ZNF577: variants seen among roughly 807,000 people sequenced by gnomAD.
The protein encoded by ZNF577 is zinc finger protein 577.
Under a neutral mutation model 13.9 loss-of-function variants are expected in ZNF577, and 14 were observed. The ratio of observed to expected loss-of-function variants is 1.00; its 90% CI spans 0.66 to 1.57. ZNF577 has a LOEUF of 1.57. Ranked by LOEUF, ZNF577 falls within the 40% of genes most tolerant of loss-of-function variation. The probability of loss-of-function intolerance (pLI) is 0.00; values close to 1 mark genes in which losing one functional copy is unlikely to be tolerated. For synonymous variants in ZNF577, 203 were observed against 202.9 expected, an observed-to-expected ratio of 1.00 and a Z score of 0.00; for missense variants, 555 against 579.2, an observed-to-expected ratio of 0.96 and a Z score of 0.43.
chr19:51,834,607 A>G (rs1272411585), intron 9 of ZNF577, among the ~76,000 whole-genome samples: 2 of 152,238 alleles, frequency 1.3e-5, no homozygotes, highest in Non-Finnish European at 2.9e-5. Flanking sequence ...ATCTTAATGA[A>G]GATTAGAAAA....
In ZNF577 at chr19:51,867,295, T is replaced by C. The variant is rs76154083; in HGVS notation, c.*5237A>G. On this transcript the variant is annotated 3_prime_UTR_variant, in exon 6 of 6. Transcript: ENST00000638348. ...ACCTCACCGGGGCTTTTATCGTTTT[T>C]TTCTTCGGTTCTTAGGAAAAGGATA... Among the ~76,000 whole-genome samples, 8,618 of 152,270 alleles carry C rather than the reference T, an allele frequency of 0.057. 353 individuals carry two copies. The highest frequency in any genetic ancestry group is 0.087 in the Non-Finnish European group (5,937 of 68,010).
intron 9 of ZNF577, among the ~76,000 whole-genome samples, chr19:51,821,732 G>T (rs2084191232): frequency 6.6e-6 from 1 of 151,548 alleles, no homozygotes; most frequent in Non-Finnish European, 1.5e-5. Flanking sequence ...TGCTCATCCT[G>T]AATTTCAAAT....
intron 9 of ZNF577, among the ~76,000 whole-genome samples, chr19:51,815,061 C>T (rs1026924634): frequency 1.3e-5 from 2 of 152,126 alleles, no homozygotes; most frequent in Non-Finnish European, 2.9e-5. Flanking sequence ...CCGCCCACCT[C>T]GGCCTCCCAA....
intron 9 of ZNF577, among the ~76,000 whole-genome samples, chr19:51,816,429 G>T (rs1454530120): frequency 1.3e-5 from 2 of 152,158 alleles, no homozygotes; most frequent in Non-Finnish European, 2.9e-5. Flanking sequence ...TGTGTTTTTA[G>T]TAGAGACAAG....
At position 51,867,685 on chromosome 19, in the gene ZNF577, T is replaced by A. The variant is rs1055913346; in HGVS notation, c.*4847A>T. On this transcript the variant is annotated 3_prime_UTR_variant, in exon 6 of 6. Transcript: ENST00000638348. ...CTGTAATCCCAGCTACTCAGGAAGC[T>A]GAGGCAGGACAATCACTTGAAACCG... Among the ~76,000 whole-genome samples the A allele has an allele frequency of 2.0e-5, 3 of 151,680 alleles. No individual in the cohort carries two copies. Among genetic ancestry groups the A allele is most frequent in the Non-Finnish European group, 4.4e-5 (3 of 67,986 alleles).
At chr19:51,822,774 C>T (rs2084199978) in intron 9 of ZNF577, among the ~76,000 whole-genome samples, 1 of 152,148 alleles carries the variant, frequency 6.6e-6, no homozygotes, top group African/African-American at 2.4e-5. Flanking sequence ...TAAGTAGGGA[C>T]AATGAAAAGC....
downstream of ZNF577, among the ~76,000 whole-genome samples, chr19:51,864,824 GA>G (rs1363804880): frequency 6.6e-6 from 1 of 152,172 alleles, no homozygotes; most frequent in Non-Finnish European, 1.5e-5. Flanking sequence ...TGGGAACAAA[GA>G]AAAGAAATTA....
Position 51,824,783 on chromosome 19 carries a change from TGAG to T in ZNF577, c.*600-13112_*600-13110del. On this transcript the variant is annotated intron_variant and NMD_transcript_variant, in intron 9 of 10. Transcript: ENST00000638827. The surrounding 1 kb of genome is among the most constrained non-coding windows in gnomAD (Gnocchi z 4.7). ...CAGACACCACTTCTGCTTCACCTCCTGAGGAGACGGAGTTACAAGCAATGTGAG... is the reference window on the plus strand; with the variant it reads ...CAGACACCACTTCTGCTTCACCTCCTGAGACGGAGTTACAAGCAATGTGAG... The T allele has an allele frequency of 6.2e-7, 1 of 1,613,062 alleles. No homozygotes were observed. The highest frequency in any genetic ancestry group is 1.3e-5 in the African/African-American group (1 of 74,998).
chr19:51,827,538 T>C (rs987679487), intron 9 of ZNF577, among the ~76,000 whole-genome samples: 5 of 152,236 alleles, frequency 3.3e-5, no homozygotes, highest in Admixed American at 2.0e-4. Flanking sequence ...ATGGCATTGA[T>C]AAACAATAAT....
At chr19:51,863,273 A>G (rs536391387), downstream of ZNF577, 7 of 152,368 alleles carry the variant, frequency 4.6e-5, no homozygotes, top group Non-Finnish European at 1.0e-4. Flanking sequence ...GGTTATAATT[A>G]GCAAGCTCTG....
At chr19:51,857,370 GAAA>G (rs2084438377) in intron 5 of ZNF577, among the ~76,000 whole-genome samples, 16 of 57,810 alleles carry the variant, frequency 2.8e-4, no homozygotes, top group Non-Finnish European at 4.0e-4. Context: ...AGGAAGGAAA[GAAA>G]GAAAGAAAGA....
At chr19:51,861,050 T>C in intron 5 of ZNF577, 1 of 390,822 alleles carries the variant, frequency 2.6e-6, no homozygotes, top group Non-Finnish European at 4.8e-6. Flanking sequence ...GCCTACTAAA[T>C]GGAAAGCTTC....
At chr19:51,877,148 A>G in intron 5 of ZNF577, 134 bp downstream of exon 5, 1 of 651,894 alleles carries the variant, frequency 1.5e-6, no homozygotes, top group South Asian at 1.9e-5. Flanking sequence ...CAGATGCAGA[A>G]AGGCTGATTA....
At chr19:51,880,436 G>A in intron 2 of ZNF577, 35 bp from the exon 3 acceptor site, 1 of 1,599,142 alleles carries the variant, frequency 6.3e-7, no homozygotes, top group South Asian at 1.1e-5. Flanking sequence ...TTAAAGCAGA[G>A]AAAACCCACA....
At chr19:51,851,720 A>G (rs1234018119) in intron 5 of ZNF577, among the ~76,000 whole-genome samples, 1 of 152,164 alleles carries the variant, frequency 6.6e-6, no homozygotes, top group Non-Finnish European at 1.5e-5. Context: ...TGACCAAGCC[A>G]GCAGCCTATG....
chr19:51,847,134 C>T (rs8105497), intron 5 of ZNF577, among the ~76,000 whole-genome samples: 30,172 of 152,080 alleles, frequency 0.2, 3,443 homozygotes, highest in East Asian at 0.45. Context: ...CACTCGTGTA[C>T]GCACACACAT....
intron 9 of ZNF577, among the ~76,000 whole-genome samples, chr19:51,834,398 A>G (rs1177524583): frequency 6.6e-6 from 1 of 152,230 alleles, no homozygotes; most frequent in Non-Finnish European, 1.5e-5. Context: ...GATATTTCAC[A>G]TAATACCCAA....
exon 11 of ZNF577, chr19:51,805,111 G>C (rs1442101529): frequency 6.6e-6 from 1 of 152,192 alleles, no homozygotes; most frequent in Non-Finnish European, 1.5e-5. Flanking sequence ...TGATCATATA[G>C]CCTCCAGTGG....
intron 5 of ZNF577, among the ~76,000 whole-genome samples, chr19:51,859,038 T>C (rs2122594599): frequency 6.6e-6 from 1 of 152,340 alleles, no homozygotes; most frequent in African/African-American, 2.4e-5. Context: ...CTAATTTGCT[T>C]TATTTCTCTA....
Sources: allele counts gnomAD v4.1 joint callset (sites outside exome capture counted in the v4.1 genomes callset), GRCh38; gene constraint gnomAD v4.1.1; non-coding constraint Gnocchi (gnomAD v3.1); transcripts MANE v1.5; gene names NCBI Gene and HGNC (gene_info 2026-07-23, HGNC 2026-07-21).